ULK4: variants seen among roughly 807,000 people sequenced by gnomAD.
The protein encoded by ULK4 is unc-51 like kinase 4.
In ULK4, 133 loss-of-function variants were observed where a neutral mutation model predicts 160.6. The ratio of observed to expected loss-of-function variants is 0.83; its 90% CI spans 0.72 to 0.96. The LOEUF (loss-of-function observed/expected upper bound fraction) is 0.96, where lower values mean the gene tolerates loss of function less well. Among genes scored for constraint, ULK4 ranks in the 40% least tolerant of loss-of-function variants. The pLI, the probability that ULK4 is intolerant of heterozygous loss-of-function variation, is 0.00. For synonymous variants in ULK4, 534 were observed against 539.8 expected, an observed-to-expected ratio of 0.99 and a Z score of 0.15; for missense variants, 1,580 against 1,499.5, an observed-to-expected ratio of 1.05 and a Z score of -0.89.
chr3:41,399,238 C>T (rs1261649191), intron 34 of ULK4, among the ~76,000 whole-genome samples: 1 of 152,136 alleles, frequency 6.6e-6, no homozygotes, highest in African/African-American at 2.4e-5. Context: ...TTCAGACGTA[C>T]TTCCCTGATG....
chr3:41,569,562 G>A (rs1285642875), intron 31 of ULK4, among the ~76,000 whole-genome samples: 2 of 152,046 alleles, frequency 1.3e-5, no homozygotes, highest in Non-Finnish European at 2.9e-5. Context: ...ACCCAATTTG[G>A]TTATGTCTAT....
rs71094650 is a variant in ULK4 at position 41,470,018 on chromosome 3, G to GAAAAAAAAAAAAAAAAAAAAAAAAAAAA, written c.3227-6793_3227-6766dup. Among the ~76,000 whole-genome samples, 52 of 45,978 alleles carry GAAAAAAAAAAAAAAAAAAAAAAAAAAAA rather than the reference G, an allele frequency of 1.1e-3. 4 individuals are homozygous for GAAAAAAAAAAAAAAAAAAAAAAAAAAAA. The highest frequency in any genetic ancestry group is 1.5e-3 in the Non-Finnish European group (39 of 26,540). 30.2% of individuals were successfully genotyped at this position (45,978 alleles called of 152,430 possible). On this transcript the variant is annotated intron_variant, in intron 32 of 36. Transcript: ENST00000301831. ...GAGGAATTCAAGAAGAAACAGAACA[G>GAAAAAAAAAAAAAAAAAAAAAAAAAAAA]AAAAAAAAAAAAAAAAAAAAAAAAA...
Position 41,247,078 on chromosome 3 carries a change from C to T in ULK4, c.3765-86G>A. The T allele has an allele frequency of 2.3e-6, 3 of 1,308,936 alleles. No individual in the cohort carries two copies. In the South Asian group the frequency reaches 3.8e-5, roughly 17 times the overall value. 81.1% of individuals were successfully genotyped at this position (1,308,936 alleles called of 1,614,324 possible). A position where few individuals can be genotyped will look rare whatever the true frequency, so the allele number is the denominator to read the frequency against. ...CTTTCAAAGGGGCCAGCCTCTTTTG[C>T]ACCCGAGTATCTGGTGGACCAGCTG... On this transcript the variant is annotated intron_variant, in intron 36 of 36. Transcript: ENST00000301831.
At chr3:41,883,852 T>C (rs759933450) in intron 17 of ULK4, 22 bp downstream of exon 17, 3 of 1,569,958 alleles carry the variant, frequency 1.9e-6, no homozygotes, top group Non-Finnish European at 2.6e-6. Context: ...ATTCATCACA[T>C]TTAAGTAATA....
At chr3:41,790,932 TTATAA>T (rs1292936681) in intron 20 of ULK4, among the ~76,000 whole-genome samples, 1 of 152,160 alleles carries the variant, frequency 6.6e-6, no homozygotes, top group Non-Finnish European at 1.5e-5. Context: ...AAAATACTCA[TTATAA>T]TATCATATAA....
intron 11 of ULK4, 60 bp from the exon 12 acceptor site, chr3:41,908,001 G>A: frequency 7.8e-7 from 1 of 1,277,624 alleles, no homozygotes; most frequent in Admixed American, 2.6e-5. Context: ...TCTGTTTACT[G>A]TTTTCTGGAA....
intron 19 of ULK4, among the ~76,000 whole-genome samples, chr3:41,809,981 G>A (rs1182693409): frequency 6.6e-6 from 1 of 152,152 alleles, no homozygotes; most frequent in Admixed American, 6.6e-5. Context: ...ACTGGAATAA[G>A]ATGACAGCTA....
intron 22 of ULK4, among the ~76,000 whole-genome samples, chr3:41,725,459 A>G (rs1459825884): frequency 6.6e-6 from 1 of 152,110 alleles, no homozygotes; most frequent in Admixed American, 6.5e-5. Context: ...CTTCTCCCAG[A>G]TAGCATTTCT....
chr3:41,655,385 G>A (rs1199577337), intron 30 of ULK4, among the ~76,000 whole-genome samples: 3 of 126,082 alleles, frequency 2.4e-5, no homozygotes, highest in African/African-American at 8.8e-5. Flanking sequence ...TGTGGGGTGG[G>A]GGGAGGGGGG....
chr3:41,419,722 G>T (rs1292380819), intron 34 of ULK4, among the ~76,000 whole-genome samples: 1 of 152,136 alleles, frequency 6.6e-6, no homozygotes, highest in Non-Finnish European at 1.5e-5. Context: ...GCATCACTGT[G>T]AAGGCCCGGG....
At chr3:41,911,840 C>T (rs1716681) in intron 9 of ULK4, among the ~76,000 whole-genome samples, 181 bp from the exon 10 acceptor site, 143,788 of 152,212 alleles carry the variant, frequency 0.94, 68,449 homozygotes, top group East Asian at 1. Context: ...AGGAAAGCTA[C>T]GTCACTGTAG....
chr3:41,558,576 C>T (rs576774110), intron 32 of ULK4, among the ~76,000 whole-genome samples: 23 of 151,770 alleles, frequency 1.5e-4, no homozygotes, highest in African/African-American at 5.3e-4. Context: ...TGGTGGTGGG[C>T]GACTGTAATC....
intron 27 of ULK4, among the ~76,000 whole-genome samples, chr3:41,697,821 T>G (rs913994162): frequency 1.3e-5 from 2 of 152,294 alleles, no homozygotes; most frequent in East Asian, 1.9e-4. Context: ...TAATGTAACT[T>G]AAGTGAACAG....
chr3:41,764,468 G>A (rs2039091444), intron 21 of ULK4, among the ~76,000 whole-genome samples: 2 of 152,162 alleles, frequency 1.3e-5, no homozygotes, highest in African/African-American at 4.8e-5. Context: ...AAGTGGGTCA[G>A]GTATGGTGGC....
Position 41,835,986 on chromosome 3 carries a change from A to C in ULK4, c.1657-15T>G, listed in dbSNP as rs1410923075. On this transcript the variant is annotated splice_polypyrimidine_tract_variant and intron_variant, in intron 17 of 36. Transcript: ENST00000301831. ...AGAACAATTGCCTGCAAAGACAAAA[A>C]AAAAAAAAGTAAATTATTTCAAATG... 4 of 1,504,354 alleles carry C rather than the reference A, an allele frequency of 2.7e-6. No individual in the cohort carries two copies. The highest frequency in any genetic ancestry group is 1.8e-6 in the Non-Finnish European group (2 of 1,089,292). The allele number at this position is 1,504,354 out of a possible 1,614,324, so 93.2% of individuals were successfully genotyped here. A position where few individuals can be genotyped will look rare whatever the true frequency, so the allele number is the denominator to read the frequency against.
intron 17 of ULK4, chr3:41,882,317 G>C (rs1349761125): frequency 2.8e-6 from 2 of 702,240 alleles, no homozygotes; most frequent in Non-Finnish European, 2.6e-6. Context: ...TAAAATGCCA[G>C]GTGGTGATAC....
At chr3:41,864,708 G>C (rs975159109) in intron 17 of ULK4, among the ~76,000 whole-genome samples, 1 of 152,250 alleles carries the variant, frequency 6.6e-6, no homozygotes, top group Non-Finnish European at 1.5e-5. Flanking sequence ...GAGTCCAGGA[G>C]CTCAAGAAGA....
At chr3:41,416,583 G>T (rs2082531620) in intron 34 of ULK4, among the ~76,000 whole-genome samples, 1 of 152,116 alleles carries the variant, frequency 6.6e-6, no homozygotes, top group South Asian at 2.1e-4. Context: ...TTTCCATAGT[G>T]ACATAGGCAA....
chr3:41,850,713 T>G (rs145881662), intron 17 of ULK4, among the ~76,000 whole-genome samples: 1 of 152,204 alleles, frequency 6.6e-6, no homozygotes, highest in Non-Finnish European at 1.5e-5. Flanking sequence ...TATTAGTCCT[T>G]TGTCAGATGA....
Sources: allele counts gnomAD v4.1 joint callset (sites outside exome capture counted in the v4.1 genomes callset), GRCh38; gene constraint gnomAD v4.1.1; transcripts MANE v1.5; gene names NCBI Gene and HGNC (gene_info 2026-07-23, HGNC 2026-07-21).